Variants in RBM47 observed in about 807,000 individuals in gnomAD.
RBM47 encodes the protein RNA binding motif protein 47.
A neutral mutation model predicts 47.1 loss-of-function variants in RBM47; 21 were observed. That is an observed-to-expected ratio of 0.45 (90% CI 0.32 to 0.64). The LOEUF (loss-of-function observed/expected upper bound fraction) is 0.64, where lower values mean the gene tolerates loss of function less well. Among genes scored for constraint, RBM47 ranks in the 30% least tolerant of loss-of-function variants. The pLI is 0.05. For missense variants in RBM47, 708 were observed against 870.9 expected (o/e 0.81, Z 2.35); for synonymous variants, 375 against 361.7 (o/e 1.04, Z -0.42).
At chr4:40,464,316 A>G (rs1341315742) in intron 3 of RBM47, among the ~76,000 whole-genome samples, 1 of 152,336 alleles carries the variant, frequency 6.6e-6, no homozygotes, top group East Asian at 1.9e-4. Flanking sequence ...GAAACCTCTG[A>G]TAGTAATGAA....
chr4:40,616,726 A>G (rs1736766882), intron 1 of RBM47, among the ~76,000 whole-genome samples: 1 of 152,104 alleles, frequency 6.6e-6, no homozygotes, highest in Non-Finnish European at 1.5e-5. Flanking sequence ...AAAGCTTACA[A>G]AAGTTAGGTA....
intron 3 of RBM47, among the ~76,000 whole-genome samples, chr4:40,439,224 T>C (rs1016503253): frequency 6.6e-6 from 1 of 152,210 alleles, no homozygotes; most frequent in Admixed American, 6.5e-5. Flanking sequence ...CTGCTCTCAT[T>C]TTTGGTAAAA....
chr4:40,545,077 A>T (rs1577926620), intron 1 of RBM47, among the ~76,000 whole-genome samples: 1 of 125,484 alleles, frequency 8.0e-6, no homozygotes, highest in South Asian at 2.6e-4. Flanking sequence ...TTTCAGACGG[A>T]GTCTCGCTCT....
intron 3 of RBM47, among the ~76,000 whole-genome samples, chr4:40,463,860 G>A (rs752578275): frequency 2.6e-5 from 4 of 152,020 alleles, no homozygotes; most frequent in Non-Finnish European, 4.4e-5. Context: ...TGGTAATACA[G>A]TTTTTACATG....
intron 1 of RBM47, among the ~76,000 whole-genome samples, chr4:40,557,385 A>G (rs1035099266): frequency 1.3e-5 from 2 of 152,100 alleles, no homozygotes; most frequent in African/African-American, 2.4e-5. Flanking sequence ...GGACAGTACT[A>G]TATCTATATG....
intron 2 of RBM47, among the ~76,000 whole-genome samples, chr4:40,534,713 T>A (rs891762077): frequency 2.6e-5 from 4 of 151,946 alleles, no homozygotes; most frequent in African/African-American, 9.7e-5. Context: ...GGCAGGCGGA[T>A]CACGAGGTCA....
chr4:40,465,058 T>C (rs373748466), intron 3 of RBM47, among the ~76,000 whole-genome samples: 1 of 152,064 alleles, frequency 6.6e-6, no homozygotes, highest in African/African-American at 2.4e-5. Flanking sequence ...TATACTTTTA[T>C]AAGAAGAAAA....
At chr4:40,526,796 T>C (rs1169824928) in intron 2 of RBM47, among the ~76,000 whole-genome samples, 2 of 142,832 alleles carry the variant, frequency 1.4e-5, no homozygotes, top group Non-Finnish European at 3.0e-5. Flanking sequence ...GTTCTTTTTT[T>C]TTTTTTTTTT....
intron 2 of RBM47, among the ~76,000 whole-genome samples, chr4:40,487,805 G>T (rs1247329867): frequency 1.3e-5 from 2 of 151,960 alleles, no homozygotes; most frequent in Non-Finnish European, 2.9e-5. Flanking sequence ...AAATCTACTT[G>T]GATAAAATTC....
At chr4:40,481,489 T>TTATTATTA (rs1560406262) in intron 2 of RBM47, among the ~76,000 whole-genome samples, 3 of 110,880 alleles carry the variant, frequency 2.7e-5, no homozygotes, top group Non-Finnish European at 5.9e-5. Flanking sequence ...TATTATTATT[T>TTATTATTA]TTATTTTTAT....
At chr4:40,621,444 G>A (rs1461216671) in intron 1 of RBM47, among the ~76,000 whole-genome samples, 3 of 152,176 alleles carry the variant, frequency 2.0e-5, no homozygotes, top group Non-Finnish European at 2.9e-5. Context: ...AGGTTCTGGG[G>A]AAAAATTAAA....
At chr4:40,500,377 C>T (rs1723196731) in intron 2 of RBM47, among the ~76,000 whole-genome samples, 2 of 152,060 alleles carry the variant, frequency 1.3e-5, no homozygotes, top group South Asian at 2.1e-4. Context: ...TTCGGGAGGC[C>T]GAGATGGGCG....
At chr4:40,518,282 T>C (rs1725835318) in intron 2 of RBM47, among the ~76,000 whole-genome samples, 1 of 146,388 alleles carries the variant, frequency 6.8e-6, no homozygotes, top group South Asian at 2.3e-4. Flanking sequence ...GTTCAAGCAA[T>C]TCTCCTGCCT....
chr4:40,616,353 C>CAAAA (rs371710118), intron 1 of RBM47, among the ~76,000 whole-genome samples: 1 of 65,720 alleles, frequency 1.5e-5, no homozygotes, highest in Admixed American at 1.6e-4. Flanking sequence ...GACTCTGTCT[C>CAAAA]AAAAAAAAAA....
intron 1 of RBM47, among the ~76,000 whole-genome samples, chr4:40,627,986 A>T (rs1737895242): frequency 6.6e-6 from 1 of 152,236 alleles, no homozygotes; most frequent in Admixed American, 6.5e-5. Flanking sequence ...TTAATAATTG[A>T]TTGATATTCA....
At chr4:40,619,148 G>A (rs908455165) in intron 1 of RBM47, among the ~76,000 whole-genome samples, 6 of 152,116 alleles carry the variant, frequency 3.9e-5, no homozygotes, top group African/African-American at 1.4e-4. Flanking sequence ...TCAACCCCTG[G>A]ACAGGCGCAG....
intron 3 of RBM47, among the ~76,000 whole-genome samples, chr4:40,458,676 T>G (rs1716647364): frequency 6.6e-6 from 1 of 152,224 alleles, no homozygotes; most frequent in Admixed American, 6.5e-5. Context: ...AATACAACTT[T>G]AATCCAGAAA....
chr4:40,520,728 C>A (rs1021621862), intron 2 of RBM47, among the ~76,000 whole-genome samples: 1 of 152,176 alleles, frequency 6.6e-6, no homozygotes, highest in African/African-American at 2.4e-5. Context: ...TCAGAAACTG[C>A]TCATCACCTA....
chr4:40,510,612 G>A (rs1577845857), intron 2 of RBM47, among the ~76,000 whole-genome samples: 1 of 152,312 alleles, frequency 6.6e-6, no homozygotes, highest in Non-Finnish European at 1.5e-5. Context: ...TGTGAGATGA[G>A]ACCCTATCCC....
Sources: gnomAD v4.1 joint callset for allele counts (sites outside exome capture counted in the v4.1 genomes callset) on GRCh38, gnomAD v4.1.1 for gene constraint, MANE v1.5 for transcripts, NCBI Gene and HGNC (gene_info 2026-07-23, HGNC 2026-07-21) for gene names.